ZNF254: variants seen among roughly 807,000 people sequenced by gnomAD.
The protein encoded by ZNF254 is CTD-2017D11.1.
ZNF254 carries 10 observed loss-of-function variants against 12.4 expected under a neutral mutation model. That is an observed-to-expected ratio of 0.80 (90% CI 0.50 to 1.36). The LOEUF is 1.36. Ranked by LOEUF, ZNF254 falls within the 40% of genes most tolerant of loss-of-function variation. The pLI, the probability that ZNF254 is intolerant of heterozygous loss-of-function variation, is 0.00. For missense variants in ZNF254, 996 were observed against 763.9 expected, an observed-to-expected ratio of 1.30 and a Z score of -3.58; for synonymous variants, 305 against 253.4, an observed-to-expected ratio of 1.20 and a Z score of -1.93.
chr19:24,098,373 G>A (rs1320991836), intron 1 of ZNF254: 2 of 152,182 alleles, frequency 1.3e-5, no homozygotes, highest in South Asian at 2.1e-4. Flanking sequence ...AAGCTATGTT[G>A]TAGGCTCGCA....
intron 2 of ZNF254, among the ~76,000 whole-genome samples, chr19:24,054,303 CT>C (rs1227949568): frequency 6.6e-6 from 1 of 152,138 alleles, no homozygotes; most frequent in Non-Finnish European, 1.5e-5. Context: ...TGATGTAACT[CT>C]CTTGCTAACT....
At chr19:24,117,288 C>T (rs975169464) in intron 3 of ZNF254, among the ~76,000 whole-genome samples, 13 of 152,260 alleles carry the variant, frequency 8.5e-5, no homozygotes, top group African/African-American at 3.1e-4. Flanking sequence ...CTGTGCCCTG[C>T]CCCCAGAGGT....
At chr19:24,076,254 A>C (rs1228696618) in intron 2 of ZNF254, among the ~76,000 whole-genome samples, 1 of 152,240 alleles carries the variant, frequency 6.6e-6, no homozygotes, top group Non-Finnish European at 1.5e-5. Flanking sequence ...CAGAGATTGC[A>C]GTAAAGACAG....
intron 1 of ZNF254, among the ~76,000 whole-genome samples, chr19:24,102,454 T>C (rs1427507272): frequency 6.6e-6 from 1 of 151,528 alleles, no homozygotes; most frequent in African/African-American, 2.4e-5. Flanking sequence ...TCCCCAGTGG[T>C]GTAAAGAACA....
chr19:24,045,266 T>G (rs1970335570), intron 1 of ZNF254, among the ~76,000 whole-genome samples: 1 of 152,188 alleles, frequency 6.6e-6, no homozygotes, highest in African/African-American at 2.4e-5. Context: ...GAACTGTTCA[T>G]TTTTTCTGTA....
At chr19:24,041,747 G>A (rs1222172557) in intron 1 of ZNF254, among the ~76,000 whole-genome samples, 1 of 152,256 alleles carries the variant, frequency 6.6e-6, no homozygotes, top group Non-Finnish European at 1.5e-5. Flanking sequence ...GCCCCGGTGC[G>A]GGATCCACTA....
intron 2 of ZNF254, chr19:24,079,665 T>C (rs1011338855): frequency 6.6e-6 from 1 of 152,236 alleles, no homozygotes; most frequent in African/African-American, 2.4e-5. Context: ...TTTTGTTGTC[T>C]CTGTGTTATA....
At chr19:24,085,001 T>G (rs1178944137), upstream of ZNF254, among the ~76,000 whole-genome samples, 1 of 151,038 alleles carries the variant, frequency 6.6e-6, no homozygotes, top group Non-Finnish European at 1.5e-5. Flanking sequence ...GACCTGATCT[T>G]GGCTCACTTC....
intron 2 of ZNF254, among the ~76,000 whole-genome samples, chr19:24,053,522 G>T (rs949773594): frequency 5.9e-5 from 9 of 151,836 alleles, no homozygotes; most frequent in African/African-American, 2.2e-4. Context: ...TTGTCTTAGT[G>T]CTTTCCACAG....
intron 2 of ZNF254, among the ~76,000 whole-genome samples, chr19:24,050,661 G>A (rs1970611268): frequency 6.6e-6 from 1 of 152,216 alleles, no homozygotes; most frequent in Non-Finnish European, 1.5e-5. Flanking sequence ...TGGGCCCATT[G>A]CTGAGGTTGT....
At chr19:24,111,741 T>A (rs1327813949) in intron 3 of ZNF254, among the ~76,000 whole-genome samples, 7 of 152,058 alleles carry the variant, frequency 4.6e-5, no homozygotes, top group Admixed American at 4.6e-4. Context: ...TTTGGCTGCA[T>A]AAATGTCTTC....
intron 2 of ZNF254, among the ~76,000 whole-genome samples, chr19:24,049,206 ATATATATATTTTT>A (rs1273314532): frequency 3.7e-5 from 2 of 53,828 alleles, no homozygotes; most frequent in South Asian, 5.3e-4. Context: ...ATATATATAT[ATATATATATTTTT>A]TTTTTTTTTT....
chr19:24,049,368 AATCTGGTCAT>A (rs1970561219), intron 2 of ZNF254: 1 of 151,424 alleles, frequency 6.6e-6, no homozygotes, highest in African/African-American at 2.4e-5. Context: ...CACCATGCAC[AATCTGGTCAT>A]ATTTTTGATG....
intron 2 of ZNF254, chr19:24,079,746 G>A (rs550210928): frequency 5.3e-5 from 8 of 152,252 alleles, no homozygotes; most frequent in South Asian, 2.1e-4. Context: ...CTTGCAACCC[G>A]AACCATAATA....
At chr19:24,118,556 C>G (rs968766887) in intron 3 of ZNF254, among the ~76,000 whole-genome samples, 1 of 151,904 alleles carries the variant, frequency 6.6e-6, no homozygotes, top group African/African-American at 2.4e-5. Flanking sequence ...TAAATAAATT[C>G]ATTCAAATTT....
intron 2 of ZNF254, among the ~76,000 whole-genome samples, chr19:24,050,472 T>C (rs915264339): frequency 6.6e-6 from 1 of 152,156 alleles, no homozygotes; most frequent in African/African-American, 2.4e-5. Flanking sequence ...CTTTGACTAT[T>C]TTATGTGACT....
intron 2 of ZNF254, among the ~76,000 whole-genome samples, chr19:24,063,431 G>T (rs1971150254): frequency 6.6e-6 from 1 of 152,226 alleles, no homozygotes; most frequent in Non-Finnish European, 1.5e-5. Context: ...GTTGCACCCA[G>T]GTGGTGTGAG....
chr19:24,123,913 T>G (rs1974654694), intron 3 of ZNF254, among the ~76,000 whole-genome samples: 1 of 152,052 alleles, frequency 6.6e-6, no homozygotes, highest in Non-Finnish European at 1.5e-5. Flanking sequence ...AATCTCAGTT[T>G]TTAAAATATT....
chr19:24,071,660 T>G (rs1568438794), intron 2 of ZNF254, among the ~76,000 whole-genome samples: 1 of 152,136 alleles, frequency 6.6e-6, no homozygotes, highest in Non-Finnish European at 1.5e-5. Flanking sequence ...CTATAATGCT[T>G]CTAATGCCAC....
Sources: gnomAD v4.1 joint callset for allele counts (sites outside exome capture counted in the v4.1 genomes callset) on GRCh38, gnomAD v4.1.1 for gene constraint, MANE v1.5 for transcripts, NCBI Gene and HGNC (gene_info 2026-07-23, HGNC 2026-07-21) for gene names.